Variants in EPRS1 observed in about 807,000 individuals in gnomAD.
The protein encoded by EPRS1 is bifunctional glutamate/proline--tRNA ligase.
A neutral mutation model predicts 188.3 loss-of-function variants in EPRS1; 107 were observed. The ratio of observed to expected loss-of-function variants is 0.57; its 90% CI spans 0.49 to 0.67. The LOEUF is 0.67. Ranked by LOEUF, EPRS1 falls within the 30% of genes least tolerant of loss-of-function variation. The pLI is 0.00. For synonymous variants in EPRS1, 596 were observed against 593.1 expected, an observed-to-expected ratio of 1.00 and a Z score of -0.07; for missense variants, 1,577 against 1,802.2, an observed-to-expected ratio of 0.88 and a Z score of 2.26.
chr1:220,040,952 G>A (rs972115152), intron 1 of EPRS1, among the ~76,000 whole-genome samples: 3 of 150,894 alleles, frequency 2.0e-5, no homozygotes, highest in African/African-American at 4.9e-5. Flanking sequence ...AAAAGCTATC[G>A]TTAATAGTAT....
chr1:219,991,716 A>C (rs1016541176), intron 18 of EPRS1, among the ~76,000 whole-genome samples: 3 of 152,202 alleles, frequency 2.0e-5, no homozygotes, highest in African/African-American at 7.2e-5. Flanking sequence ...CACAGGGTAG[A>C]GCCGAGATCC....
intron 1 of EPRS1, among the ~76,000 whole-genome samples, chr1:220,042,781 C>T (rs967389079): frequency 6.6e-6 from 1 of 151,664 alleles, no homozygotes; most frequent in Non-Finnish European, 1.5e-5. Flanking sequence ...ATTAGCTGGG[C>T]GTGGTGGCAT....
At position 220,019,033 on chromosome 1, in the gene EPRS1, T is replaced by G. The variant is rs1661802442; in HGVS notation, c.1396A>C (p.Met466Leu). The change falls in exon 11 of 32, where the codon ATG becomes CTG. Residue 466 changes from methionine to leucine, a missense_variant. Around this residue, in one of 3 missense-constraint regions of EPRS1, gnomAD observed 1,278 missense variants for 1,457.4 expected, o/e 0.88. Coordinates refer to ENST00000366923, the MANE Select transcript of EPRS1 (RefSeq NM_004446.3). ...PTVRGVLRRGMTVEGLKQFIA... is the reference protein window; with the variant it reads ...PTVRGVLRRGLTVEGLKQFIA... ...AACTGTTTCAGTCCTTCAACTGTCA[T>G]CCCTCTTCTCAGTACACCACGAACC... is the stretch of plus-strand genomic sequence containing the variant. 1.9e-6 allele frequency: 3 copies of G among 1,613,472 alleles called. No homozygotes were observed. Among genetic ancestry groups the G allele is most frequent in the Middle Eastern group, 3.3e-4 (2 of 6,060 alleles).
Position 220,030,389 on chromosome 1 carries a change from C to T in EPRS1, c.620G>A (p.Ser207Asn), listed in dbSNP as rs1662061593. The T allele has an allele frequency of 6.2e-7, 1 of 1,608,520 alleles. No individual in the cohort carries two copies. Among genetic ancestry groups the T allele is most frequent in the Non-Finnish European group, 8.5e-7 (1 of 1,174,960 alleles). Residue 207 changes from serine (S) to asparagine (N), a missense_variant, in exon 6 of 32, where the codon AGT (serine) becomes AAT (asparagine). Ser to Asn is a conservative substitution (Grantham distance 46). This residue lies in a region of EPRS1 where 1,278 missense variants were observed against 1,457.4 expected (regional missense o/e 0.88). Transcript: ENST00000366923. ...AATGTGAGTTACATTTTCTTACCCA[C>T]TGGCCTCTGGAGGAAATCTGACGGT... ...KVTVRFPPEA[S>N]GYLHIGHAKA...
At chr1:220,034,799 ACT>A (rs1662146760) in intron 3 of EPRS1, 113 bp downstream of exon 3, 1 of 719,414 alleles carries the variant, frequency 1.4e-6, no homozygotes, top group Admixed American at 2.3e-5. Flanking sequence ...TATAATTAAC[ACT>A]CTGTTAATAT....
Position 219,980,889 on chromosome 1 carries a change from A to C in EPRS1, c.3454-32T>G, listed in dbSNP as rs375800964. On this transcript the variant is annotated intron_variant, in intron 24 of 31. Coordinates refer to ENST00000366923, the MANE Select transcript of EPRS1 (RefSeq NM_004446.3). The stretch of plus-strand genomic sequence containing the variant: ...GAGGCAAGAAAACAATTTAGTCATT[A>C]TAAAGAGCTTTTCAATTTTTTTTTT... 190 of 1,487,038 alleles carry C rather than the reference A, an allele frequency of 1.3e-4. 1 individual carries two copies. The highest frequency in any genetic ancestry group is 9.2e-5 in the Admixed American group (5 of 54,274). The allele number at this position is 1,487,038 out of a possible 1,614,324, so 92.1% of individuals were successfully genotyped here.
chr1:219,984,573 A>G (rs2647436), intron 20 of EPRS1, among the ~76,000 whole-genome samples: 93,160 of 151,948 alleles, frequency 0.61, 29,568 homozygotes, highest in Non-Finnish European at 0.71. Context: ...TGCATACAAC[A>G]TCTGGCTTAT....
intron 14 of EPRS1, among the ~76,000 whole-genome samples, chr1:220,006,699 G>A (rs774231096): frequency 2.0e-4 from 30 of 152,028 alleles, no homozygotes; most frequent in African/African-American, 2.9e-4. Context: ...TAATAACTAC[G>A]CAATTAAGAT....
At chr1:220,024,512 T>A (rs1324453550) in intron 7 of EPRS1, 56 bp from the exon 8 acceptor site, 1 of 1,242,870 alleles carries the variant, frequency 8.0e-7, no homozygotes, top group Non-Finnish European at 1.1e-6. Context: ...TTTCGTGCAT[T>A]TTCAACCCTT....
chr1:220,032,688 G>A (rs993090681), intron 4 of EPRS1, among the ~76,000 whole-genome samples, 162 bp from the exon 5 acceptor site: 7 of 152,156 alleles, frequency 4.6e-5, no homozygotes, highest in African/African-American at 1.7e-4. Context: ...TTCTAAAACA[G>A]TTAGCTCTCT....
chr1:219,991,458 A>C (rs951212092), intron 18 of EPRS1, among the ~76,000 whole-genome samples: 1 of 152,144 alleles, frequency 6.6e-6, no homozygotes, highest in African/African-American at 2.4e-5. Context: ...AGAGATTCTC[A>C]CTTGGTTGGG....
intron 2 of EPRS1, among the ~76,000 whole-genome samples, chr1:220,039,461 C>G (rs1662252110): frequency 6.6e-6 from 1 of 151,492 alleles, no homozygotes; most frequent in Non-Finnish European, 1.5e-5. Context: ...AAGTATACTT[C>G]TTTCTAGGGA....
intron 8 of EPRS1, 55 bp from the exon 9 acceptor site, chr1:220,022,573 C>A: frequency 7.5e-7 from 1 of 1,329,684 alleles, no homozygotes. Context: ...TCAAATTATT[C>A]TCATAGTGCT....
chr1:219,994,029 C>A (rs10495143), intron 18 of EPRS1, among the ~76,000 whole-genome samples: 23,668 of 152,092 alleles, frequency 0.16, 3,192 homozygotes, highest in African/African-American at 0.35. Flanking sequence ...CTACTATTAG[C>A]ATTCGGAGAA....
chr1:219,980,271 A>G lies in EPRS1; in HGVS notation c.3556-31T>C, dbSNP rs763168857. Reference sequence around the variant, plus strand: ...ACATTTTAAATGTAAATGTGTTCAAATTTAGGGTACATTTATTCATTAAGA... The same window carrying G: ...ACATTTTAAATGTAAATGTGTTCAAGTTTAGGGTACATTTATTCATTAAGA... On this transcript the variant is annotated intron_variant, in intron 25 of 31. Transcript: ENST00000366923. 5 of 1,556,202 alleles carry G rather than the reference A, an allele frequency of 3.2e-6. No individual in the cohort carries two copies. The Admixed American group carries it at 6.8e-5, about 21-fold the overall frequency.
Position 220,028,115 on chromosome 1 carries a change from T to G in EPRS1, c.623+2271A>C, listed in dbSNP as rs1662018322. Among the ~76,000 whole-genome samples the G allele has an allele frequency of 2.0e-5, 3 of 152,014 alleles. No individual in the cohort carries two copies. The South Asian group carries it at 6.2e-4, about 31-fold the overall frequency. On this transcript the variant is annotated intron_variant, in intron 6 of 31. Coordinates refer to ENST00000366923, the MANE Select transcript of EPRS1 (RefSeq NM_004446.3). ...CTAAAACTATTCTAAAATTAAAAATTTATTAAAAATAAAACTAAATGAAGG... is the reference window on the plus strand; with the variant it reads ...CTAAAACTATTCTAAAATTAAAAATGTATTAAAAATAAAACTAAATGAAGG...
intron 12 of EPRS1, among the ~76,000 whole-genome samples, chr1:220,013,717 T>C (rs1661649311): frequency 6.6e-6 from 1 of 151,984 alleles, no homozygotes; most frequent in African/African-American, 2.4e-5. Flanking sequence ...AGATTGAGAG[T>C]GCCATGAACT....
At chr1:220,022,645 CTG>C (rs2102590738) in intron 8 of EPRS1, 127 bp from the exon 9 acceptor site, 2 of 747,210 alleles carry the variant, frequency 2.7e-6, no homozygotes, top group Non-Finnish European at 4.3e-6. Context: ...TTTAAAAACA[CTG>C]TAATATTTCC....
Position 220,005,278 on chromosome 1 carries a change from A to T in EPRS1, c.2033T>A (p.Phe678Tyr). Reference sequence around the variant, plus strand: ...AGGTTCATAAGGTTGATCACATATGAAGAATCCTCTTCTCTGGAGTTGTAT... The same window carrying T: ...AGGTTCATAAGGTTGATCACATATGTAGAATCCTCTTCTCTGGAGTTGTAT... ...DIIQLQRRGF[F>Y]ICDQPYEPVS... Residue 678 changes from phenylalanine to tyrosine, a missense_variant, in exon 16 of 32, where the codon TTC becomes TAC. Phe to Tyr is a conservative substitution (Grantham distance 22). This residue lies in a region of EPRS1 where 1,278 missense variants were observed against 1,457.4 expected (regional missense o/e 0.88). Transcript: ENST00000366923. The T allele has an allele frequency of 6.3e-7, 1 of 1,586,482 alleles. No individual in the cohort carries two copies. Among genetic ancestry groups the T allele is most frequent in the Non-Finnish European group, 8.6e-7 (1 of 1,163,016 alleles).
Sources: gnomAD v4.1 joint callset for allele counts (sites outside exome capture counted in the v4.1 genomes callset) on GRCh38, gnomAD v4.1.1 for gene constraint, gnomAD v4.1.1 regional missense constraint, MANE v1.5 for transcripts, NCBI Gene and HGNC (gene_info 2026-07-23, HGNC 2026-07-21) for gene names.